The following TSHZ2 variants were observed in gnomAD, a reference collection of about 807,000 sequenced individuals.
TSHZ2 encodes the protein teashirt homolog 2.
Under a neutral mutation model 74.4 loss-of-function variants are expected in TSHZ2, and 21 were observed. That is an observed-to-expected ratio of 0.28 (90% CI 0.20 to 0.41). The LOEUF (loss-of-function observed/expected upper bound fraction) is 0.41. TSHZ2 is among the 10% of genes least tolerant of loss of function. The pLI is 1.00. For synonymous variants in TSHZ2, 540 were observed against 515.3 expected (o/e 1.05, Z -0.65); for missense variants, 1,244 against 1,293.5 (o/e 0.96, Z 0.59).
At chr20:53,312,167 G>A (rs1005784303) in intron 2 of TSHZ2, among the ~76,000 whole-genome samples, 10 of 152,142 alleles carry the variant, frequency 6.6e-5, no homozygotes, top group East Asian at 1.9e-4. Flanking sequence ...GGGAAGATGC[G>A]GCGGAGTGCA....
chr20:53,015,541 G>A (rs1347021363), intron 1 of TSHZ2, among the ~76,000 whole-genome samples: 2 of 152,090 alleles, frequency 1.3e-5, no homozygotes, highest in Admixed American at 6.6e-5. Context: ...AATGAGGATG[G>A]GGCCTCTTCT....
intron 1 of TSHZ2, among the ~76,000 whole-genome samples, chr20:53,185,078 A>G (rs1988569487): frequency 1.3e-5 from 2 of 152,200 alleles, no homozygotes; most frequent in Admixed American, 6.5e-5. Context: ...AAATTCAGGA[A>G]CACGTGTTTT....
In TSHZ2 at chr20:53,489,267, G is replaced by A. The variant is rs1017018442; in HGVS notation, c.*2132G>A. 4.5e-6 allele frequency: 2 copies of A among 444,182 alleles called. No homozygotes were observed. The highest frequency in any genetic ancestry group is 2.0e-5 in the African/African-American group (1 of 49,870). The allele number at this position is 444,182 out of a possible 1,614,324, so 27.5% of individuals were successfully genotyped here. ...CATAAAGTGAATTGAGAACAGTGAG[G>A]TCTGTCTTTGCTTAACCTATTCAAC... On this transcript the variant is annotated 3_prime_UTR_variant, in exon 3 of 3. Transcript: ENST00000371497.
intron 2 of TSHZ2, among the ~76,000 whole-genome samples, chr20:53,357,403 G>A (rs780025341): frequency 2.0e-5 from 3 of 151,940 alleles, no homozygotes; most frequent in Non-Finnish European, 4.4e-5. Context: ...AGTGGCTCAC[G>A]CCTGTAATTC....
At chr20:53,320,539 G>C (rs1433556901) in intron 2 of TSHZ2, among the ~76,000 whole-genome samples, 1 of 152,064 alleles carries the variant, frequency 6.6e-6, no homozygotes, top group Non-Finnish European at 1.5e-5. Context: ...CTATAACAAT[G>C]AAAATGCAAT....
At chr20:53,461,596 T>A (rs541633887) in intron 2 of TSHZ2, 1 of 152,524 alleles carries the variant, frequency 6.6e-6, no homozygotes, top group South Asian at 2.1e-4. Context: ...GTTTTTCAGA[T>A]AAAATCTTCT....
chr20:53,465,605 T>C (rs1030132574), intron 2 of TSHZ2, among the ~76,000 whole-genome samples: 2 of 152,104 alleles, frequency 1.3e-5, no homozygotes, highest in Admixed American at 6.6e-5. Context: ...GCAGGGTACA[T>C]TGGTGACAGA....
chr20:53,234,227 G>A (rs1989889067), intron 1 of TSHZ2, among the ~76,000 whole-genome samples: 2 of 152,198 alleles, frequency 1.3e-5, no homozygotes, highest in African/African-American at 4.8e-5. Context: ...GAAAATAGAA[G>A]GTAGGTGCAA....
At chr20:53,291,590 A>G (rs182977419) in intron 2 of TSHZ2, among the ~76,000 whole-genome samples, 2 of 152,266 alleles carry the variant, frequency 1.3e-5, no homozygotes, top group Admixed American at 1.3e-4. Flanking sequence ...ATGTTATTAT[A>G]TAGTTCATGG....
chr20:53,059,576 C>A (rs191141573), intron 1 of TSHZ2, among the ~76,000 whole-genome samples: 3 of 152,252 alleles, frequency 2.0e-5, no homozygotes, highest in Non-Finnish European at 2.9e-5. Flanking sequence ...GCTGCCATTT[C>A]TCCTGAATTC....
chr20:53,238,217 A>G (rs1013474834), intron 1 of TSHZ2, among the ~76,000 whole-genome samples: 1 of 152,200 alleles, frequency 6.6e-6, no homozygotes. Context: ...CTTTGATTCA[A>G]AGTATGTATT....
In TSHZ2 at chr20:53,254,937, C is replaced by A. The variant is rs1234423883; in HGVS notation, c.1479C>A (p.Asp493Glu). ...DYEDPLQKPLDPTIKYQYLRE... is the reference protein window; with the variant it reads ...DYEDPLQKPLEPTIKYQYLRE... ...AAGATCCTCTACAAAAACCTTTAGA[C>A]CCTACAATCAAATATCAATACCTAA... The change falls in exon 2 of 3, where the codon GAC becomes GAA. Residue 493 changes from aspartate to glutamate, a missense_variant. This residue lies in a region of TSHZ2 where 562 missense variants were observed against 544.0 expected (regional missense o/e 1.03). Coordinates refer to ENST00000371497, the MANE Select transcript of TSHZ2 (RefSeq NM_173485.6). The A allele has an allele frequency of 3.1e-6, 5 of 1,613,752 alleles. No homozygotes were observed. Among genetic ancestry groups the A allele is most frequent in the South Asian group, 1.1e-5 (1 of 91,046 alleles).
intron 1 of TSHZ2, among the ~76,000 whole-genome samples, chr20:53,152,670 C>T (rs2123444065): frequency 6.6e-6 from 1 of 152,290 alleles, no homozygotes; most frequent in African/African-American, 2.4e-5. Flanking sequence ...GGATCTGGCC[C>T]TCCAACACCT....
At chr20:53,242,056 C>T (rs1318142435) in intron 1 of TSHZ2, among the ~76,000 whole-genome samples, 1 of 152,190 alleles carries the variant, frequency 6.6e-6, no homozygotes, top group Non-Finnish European at 1.5e-5. Flanking sequence ...GCTTCATTGA[C>T]AACTAGAAAG....
intron 2 of TSHZ2, among the ~76,000 whole-genome samples, chr20:53,362,334 G>A (rs993952823): frequency 2.6e-5 from 4 of 151,860 alleles, no homozygotes; most frequent in Admixed American, 1.3e-4. Context: ...ACAGACGCCC[G>A]CCACCACGCC....
chr20:53,250,133 G>A (rs775447547), intron 1 of TSHZ2, among the ~76,000 whole-genome samples: 4 of 152,198 alleles, frequency 2.6e-5, no homozygotes, highest in Non-Finnish European at 1.5e-5. Flanking sequence ...GGAAATTGAG[G>A]TTGGAAAAGG....
intron 2 of TSHZ2, among the ~76,000 whole-genome samples, chr20:53,381,640 C>G (rs1188969157): frequency 6.6e-6 from 1 of 152,198 alleles, no homozygotes; most frequent in Admixed American, 6.5e-5. Flanking sequence ...ACTGCAGGGT[C>G]TCTTTGGTAA....
intron 2 of TSHZ2, among the ~76,000 whole-genome samples, chr20:53,420,231 G>A (rs1983420160): frequency 6.6e-6 from 1 of 152,206 alleles, no homozygotes; most frequent in African/African-American, 2.4e-5. Context: ...CAGGGAGGAT[G>A]CTCAGTTCAA....
intron 1 of TSHZ2, among the ~76,000 whole-genome samples, chr20:53,058,000 G>A (rs1017500704): frequency 6.6e-6 from 1 of 152,184 alleles, no homozygotes; most frequent in African/African-American, 2.4e-5. Context: ...TCTAGGACTG[G>A]AGGTAGGGGG....
Sources: allele counts gnomAD v4.1 joint callset (sites outside exome capture counted in the v4.1 genomes callset), GRCh38; gene constraint gnomAD v4.1.1; regional missense constraint gnomAD v4.1.1; transcripts MANE v1.5; gene names NCBI Gene and HGNC (gene_info 2026-07-23, HGNC 2026-07-21).